The following MGAT4C variants were observed in gnomAD, a reference collection of about 807,000 sequenced individuals.
The protein encoded by MGAT4C is alpha-1,3-mannosyl-glycoprotein 4-beta-N-acetylglucosaminyltransferase C.
In MGAT4C, 19 loss-of-function variants were observed where a neutral mutation model predicts 40.1. That is an observed-to-expected ratio of 0.47 (90% confidence interval 0.33 to 0.70). The LOEUF is 0.70. MGAT4C is among the 30% of genes least tolerant of loss of function. MGAT4C has a pLI of 0.02. For synonymous variants in MGAT4C, 181 were observed against 187.1 expected (o/e 0.97, Z 0.27); for missense variants, 491 against 563.2 (o/e 0.87, Z 1.30).
chr12:86,465,806 G>C (rs1412746911), intron 2 of MGAT4C, among the ~76,000 whole-genome samples: 1 of 152,084 alleles, frequency 6.6e-6, no homozygotes, highest in African/African-American at 2.4e-5. Flanking sequence ...ACAGCATTTT[G>C]GAAGAGAGTT....
chr12:86,501,202 T>C (rs1346153689), intron 2 of MGAT4C, among the ~76,000 whole-genome samples: 2 of 151,776 alleles, frequency 1.3e-5, no homozygotes, highest in Non-Finnish European at 2.9e-5. Flanking sequence ...GTTGATAGTA[T>C]GGGAAAAAAT....
At chr12:86,034,428 A>T (rs1349397330) in intron 2 of MGAT4C, among the ~76,000 whole-genome samples, 1 of 149,008 alleles carries the variant, frequency 6.7e-6, no homozygotes, top group Non-Finnish European at 1.5e-5. Context: ...CTTATATTGG[A>T]AGTCATTGGT....
At chr12:86,363,962 TCTCTCTCTCTCA>T (rs2136204849) in intron 3 of MGAT4C, among the ~76,000 whole-genome samples, 1 of 73,710 alleles carries the variant, frequency 1.4e-5, no homozygotes, top group African/African-American at 4.2e-5. Flanking sequence ...TCACTCTCTC[TCTCTCTCTCTCA>T]CACACACACA....
chr12:86,834,425 G>C (rs1382023312), intron 1 of MGAT4C, among the ~76,000 whole-genome samples: 3 of 151,852 alleles, frequency 2.0e-5, no homozygotes, highest in African/African-American at 7.3e-5. Flanking sequence ...GAAAATCAAA[G>C]TAAATAACAG....
At chr12:86,414,877 A>G (rs1956676840) in intron 3 of MGAT4C, among the ~76,000 whole-genome samples, 1 of 152,114 alleles carries the variant, frequency 6.6e-6, no homozygotes, top group Non-Finnish European at 1.5e-5. Context: ...GTTATTAATG[A>G]TAGTTCATTT....
intron 1 of MGAT4C, among the ~76,000 whole-genome samples, chr12:86,129,512 C>T (rs1880851249): frequency 7.1e-6 from 1 of 141,610 alleles, no homozygotes; most frequent in Admixed American, 7.2e-5. Flanking sequence ...ACTGGGTTTG[C>T]TTACATACAA....
chr12:86,226,061 A>C lies in MGAT4C; in HGVS notation c.-57+30178T>G, dbSNP rs541862394. Among the ~76,000 whole-genome samples, 783 of 152,064 alleles carry C rather than the reference A, an allele frequency of 5.1e-3. 3 individuals carry two copies. The highest frequency in any genetic ancestry group is 8.9e-3 in the Non-Finnish European group (606 of 67,882). On this transcript the variant is annotated intron_variant, in intron 1 of 4. Transcript: ENST00000611864. ...CGCTTGCATGTAATAACAGATCTAT[A>C]TAATTTTATAATATGCAATATTTTA...
chr12:86,342,108 G>T (rs965098279), intron 3 of MGAT4C, among the ~76,000 whole-genome samples: 2 of 151,960 alleles, frequency 1.3e-5, no homozygotes, highest in African/African-American at 2.4e-5. Flanking sequence ...ATGCTTATAG[G>T]CTGGCAACAG....
At chr12:86,173,107 A>G (rs546222885) in intron 1 of MGAT4C, among the ~76,000 whole-genome samples, 1 of 152,214 alleles carries the variant, frequency 6.6e-6, no homozygotes, top group Non-Finnish European at 1.5e-5. Flanking sequence ...GGCTGGGCTA[A>G]ATTGTGATCA....
chr12:86,808,887 C>T (rs913249947), intron 1 of MGAT4C, among the ~76,000 whole-genome samples: 9 of 151,998 alleles, frequency 5.9e-5, no homozygotes, highest in African/African-American at 1.2e-4. Flanking sequence ...GAAACCTTGT[C>T]GTCTCAGCCC....
At chr12:86,138,692 A>G (rs112951783) in intron 1 of MGAT4C, among the ~76,000 whole-genome samples, 11,813 of 148,072 alleles carry the variant, frequency 0.08, 649 homozygotes, top group Middle Eastern at 0.21. Flanking sequence ...ATATATTTCC[A>G]TATATATCCA....
rs1487515044 is a variant in MGAT4C, at chr12:86,512,557, AAGC to A, written c.-228-77295_-228-77293del. 1.8e-3 allele frequency among the ~76,000 whole-genome samples: 280 copies of A among 152,258 alleles called. 1 individual carries two copies. Among genetic ancestry groups the A allele is most frequent in the Admixed American group, 2.7e-3 (41 of 15,280 alleles). On this transcript the variant is annotated intron_variant, in intron 2 of 7. Coordinates refer to the MGAT4C transcript ENST00000548651. ...TTGTCCATTGATGTATAAACGGACA[AAGC>A]AAATGTGATATACATACAATGGAGT...
chr12:86,273,202 C>G (rs1450152373), intron 4 of MGAT4C, among the ~76,000 whole-genome samples: 1 of 152,134 alleles, frequency 6.6e-6, no homozygotes. Context: ...GGTTAAATTA[C>G]TGGATTACAA....
At chr12:86,500,769 C>A (rs1958326101) in intron 2 of MGAT4C, among the ~76,000 whole-genome samples, 2 of 151,766 alleles carry the variant, frequency 1.3e-5, no homozygotes, top group South Asian at 4.1e-4. Context: ...ACAGACATTA[C>A]AGGAAATCAA....
chr12:86,506,724 T>A (rs1958478285), intron 2 of MGAT4C, among the ~76,000 whole-genome samples: 1 of 152,190 alleles, frequency 6.6e-6, no homozygotes, highest in African/African-American at 2.4e-5. Flanking sequence ...GCAGAATTAG[T>A]CTAGTAGTTC....
At chr12:86,058,553 A>T (rs971084070) in intron 1 of MGAT4C, among the ~76,000 whole-genome samples, 2 of 152,184 alleles carry the variant, frequency 1.3e-5, no homozygotes, top group Non-Finnish European at 2.9e-5. Context: ...CAATAGTCTT[A>T]TGAAGCAAGT....
At chr12:86,106,361 C>T (rs1403334466) in intron 1 of MGAT4C, among the ~76,000 whole-genome samples, 1 of 152,136 alleles carries the variant, frequency 6.6e-6, no homozygotes, top group Non-Finnish European at 1.5e-5. Flanking sequence ...AGTGCAGTGG[C>T]ACAATCCCGG....
chr12:86,409,353 G>A (rs1429491793), intron 3 of MGAT4C, among the ~76,000 whole-genome samples: 1 of 152,080 alleles, frequency 6.6e-6, no homozygotes, highest in African/African-American at 2.4e-5. Context: ...TAATGCATTG[G>A]CATTTATAGA....
chr12:86,492,783 G>A (rs999954671), intron 2 of MGAT4C, among the ~76,000 whole-genome samples: 8 of 151,982 alleles, frequency 5.3e-5, no homozygotes, highest in African/African-American at 9.7e-5. Context: ...CAACAAAACC[G>A]AAAATTGATA....
Sources: allele counts gnomAD v4.1 joint callset (sites outside exome capture counted in the v4.1 genomes callset), GRCh38; gene constraint gnomAD v4.1.1; transcripts MANE v1.5; gene names NCBI Gene and HGNC (gene_info 2026-07-23, HGNC 2026-07-21).